Variants in CCDC7 observed in about 807,000 individuals in gnomAD.
The protein encoded by CCDC7 is coiled-coil domain containing 7.
CCDC7 carries 183 observed loss-of-function variants against 196.9 expected under a neutral mutation model. The observed-to-expected ratio is 0.93, with a 90% confidence interval of 0.82 to 1.05. The LOEUF is 1.05. Ranked by LOEUF, CCDC7 falls within the 50% of genes least tolerant of loss-of-function variation. The pLI is 0.00. For synonymous variants in CCDC7, 525 were observed against 484.6 expected, an observed-to-expected ratio of 1.08 and a Z score of -1.10; for missense variants, 1,540 against 1,482.2, an observed-to-expected ratio of 1.04 and a Z score of -0.64.
intron 20 of CCDC7, among the ~76,000 whole-genome samples, chr10:32,640,876 C>CTT (rs1193198487): frequency 1.1e-5 from 1 of 87,104 alleles, no homozygotes; most frequent in Non-Finnish European, 2.4e-5. Context: ...TTTTTTTTTT[C>CTT]TTTTTTTTTT....
At chr10:32,468,897 C>T (rs971339574) in intron 5 of CCDC7, among the ~76,000 whole-genome samples, 2 of 152,178 alleles carry the variant, frequency 1.3e-5, no homozygotes, top group Non-Finnish European at 2.9e-5. Flanking sequence ...GATCATTTTG[C>T]ATTACATGTT....
intron 18 of CCDC7, among the ~76,000 whole-genome samples, chr10:32,633,696 A>ATATATATGTGTGTGTGTGTGTGTG: frequency 7.4e-6 from 1 of 135,230 alleles, no homozygotes; most frequent in South Asian, 2.7e-4. Flanking sequence ...ATATATATAT[A>ATATATATGTGTGTGTGTGTGTGTG]TGTGTGTGTG....
At chr10:32,778,952 C>G in intron 28 of CCDC7, 25 bp from the exon 30 acceptor site, 1 of 1,512,210 alleles carries the variant, frequency 6.6e-7, no homozygotes, top group South Asian at 1.2e-5. Context: ...AAATCAACTA[C>G]TTTGACAATC....
chr10:32,830,143 C>CATATATATATGGATA (rs2091996967), intron 32 of CCDC7, among the ~76,000 whole-genome samples: 1 of 22,400 alleles, frequency 4.5e-5, no homozygotes, highest in Non-Finnish European at 1.4e-4. Context: ...TATATATATC[C>CATATATATATGGATA]TATTAGTTCT....
intron 25 of CCDC7, among the ~76,000 whole-genome samples, chr10:32,713,420 TACTAACCCCTAG>T (rs2081126331): frequency 1.3e-5 from 2 of 152,242 alleles, no homozygotes; most frequent in Non-Finnish European, 2.9e-5. Context: ...AGGGACCTTG[TACTAACCCCTAG>T]TCATGCTTAT....
At chr10:32,511,254 TG>T (rs1167793491) in intron 9 of CCDC7, 1 of 593,948 alleles carries the variant, frequency 1.7e-6, no homozygotes. Flanking sequence ...AATTATTCTG[TG>T]GGGGGCGGGG....
intron 20 of CCDC7, among the ~76,000 whole-genome samples, chr10:32,649,719 G>A (rs559620216): frequency 6.6e-6 from 1 of 152,200 alleles, no homozygotes; most frequent in African/African-American, 2.4e-5. Context: ...TTTCTTAATT[G>A]TTTTCTTTAT....
rs548843524 is a variant in CCDC7 at position 32,480,117 on chromosome 10, A to G, written c.796+6094A>G. On this transcript the variant is annotated intron_variant, in intron 8 of 41. Transcript: ENST00000639629. Reference sequence around the variant, plus strand: ...TCTTAGTCCAGCTAAAGTCTTGTCAATTATGTTTATCTTTTCAAAAACCAA... The same window carrying G: ...TCTTAGTCCAGCTAAAGTCTTGTCAGTTATGTTTATCTTTTCAAAAACCAA... Among the ~76,000 whole-genome samples, 9 of 151,656 alleles carry G rather than the reference A, an allele frequency of 5.9e-5. No homozygotes were observed. In the South Asian group the frequency reaches 1.9e-3, roughly 32 times the overall value.
chr10:32,804,879 G>A lies in CCDC7; in HGVS notation c.3014-136G>A, dbSNP rs1243208285. On this transcript the variant is annotated intron_variant, in intron 29 of 41. Coordinates refer to ENST00000639629, the Ensembl canonical transcript of CCDC7. ...TAATGTTTAGTGATTTGGCAATTCA[G>A]ACATTTTGCTATAACTTTTATTCAT... 25 of 604,690 alleles carry A rather than the reference G, an allele frequency of 4.1e-5. No homozygotes were observed. In the Admixed American group the frequency reaches 7.3e-4, roughly 18 times the overall value. 37.5% of individuals were successfully genotyped at this position (604,690 alleles called of 1,614,324 possible). A position where few individuals can be genotyped will look rare whatever the true frequency, so the allele number is the denominator to read the frequency against.
intron 18 of CCDC7, among the ~76,000 whole-genome samples, chr10:32,594,901 A>C (rs979502367): frequency 2.0e-5 from 3 of 152,168 alleles, no homozygotes; most frequent in Admixed American, 1.3e-4. Flanking sequence ...GGATGAAGCC[A>C]ACTTGATCGT....
At chr10:32,582,570 T>C (rs1449533131) in intron 16 of CCDC7, among the ~76,000 whole-genome samples, 2 of 152,112 alleles carry the variant, frequency 1.3e-5, no homozygotes, top group South Asian at 4.1e-4. Context: ...ATACCCCTTA[T>C]CTTAAAGAAA....
chr10:32,564,792 T>G (rs1345982856), intron 13 of CCDC7, among the ~76,000 whole-genome samples: 2 of 151,644 alleles, frequency 1.3e-5, no homozygotes, highest in Non-Finnish European at 2.9e-5. Context: ...CCCTAAAACT[T>G]AAAGTATAAA....
chr10:32,561,793 G>C (rs1172532727), intron 13 of CCDC7, among the ~76,000 whole-genome samples: 11 of 152,116 alleles, frequency 7.2e-5, no homozygotes, highest in Middle Eastern at 3.4e-3. Flanking sequence ...CAAGAAATAA[G>C]TAAAATCAGA....
At chr10:32,455,609 G>A (rs1380832661) in intron 2 of CCDC7, among the ~76,000 whole-genome samples, 4 of 152,096 alleles carry the variant, frequency 2.6e-5, no homozygotes, top group South Asian at 2.1e-4. Flanking sequence ...GAGCCACCGC[G>A]CCTGGCTCAG....
chr10:32,848,659 G>T, exon 39 of CCDC7: 1 of 1,542,314 alleles, frequency 6.5e-7, no homozygotes, highest in Non-Finnish European at 9.0e-7. Flanking sequence ...TTTACTAGGA[G>T]CATTACACCA....
intron 5 of CCDC7, among the ~76,000 whole-genome samples, chr10:32,466,490 T>A (rs2036829885): frequency 6.6e-6 from 1 of 152,134 alleles, no homozygotes; most frequent in East Asian, 1.9e-4. Flanking sequence ...GTTCTCATCA[T>A]TTAGCTCCCA....
intron 11 of CCDC7, among the ~76,000 whole-genome samples, chr10:32,525,089 T>A (rs369731232): frequency 6.6e-6 from 1 of 152,002 alleles, no homozygotes; most frequent in African/African-American, 2.4e-5. Context: ...CCTCTGTCTG[T>A]GTATTTTCAA....
At chr10:32,451,684 G>C (rs1008424258) in exon 1 of CCDC7, 1 of 1,610,524 alleles carries the variant, frequency 6.2e-7, no homozygotes. Context: ...GTAACAAATC[G>C]GCAAATGTTC....
Position 32,643,463 on chromosome 10 carries a change from CT to C in CCDC7, c.2014+8312del, listed in dbSNP as rs1018255643. Among the ~76,000 whole-genome samples, 9 of 151,650 alleles carry C rather than the reference CT, an allele frequency of 5.9e-5. No individual in the cohort carries two copies. In the South Asian group the frequency reaches 6.2e-4, roughly 10 times the overall value. ...TTGTTTACAAATCCAGTGTGACTGT[CT>C]TTTTTTATTCATAGAACGTTTCAAT... On this transcript the variant is annotated intron_variant, in intron 20 of 41. Coordinates refer to ENST00000639629, the Ensembl canonical transcript of CCDC7.
Sources: allele counts gnomAD v4.1 joint callset (sites outside exome capture counted in the v4.1 genomes callset), GRCh38; gene constraint gnomAD v4.1.1; transcripts MANE v1.5; gene names NCBI Gene and HGNC (gene_info 2026-07-23, HGNC 2026-07-21).